The following RREB1 variants were observed in gnomAD, a reference collection of about 807,000 sequenced individuals.
RREB1 encodes the protein ras-responsive element-binding protein 1.
A neutral mutation model predicts 117.8 loss-of-function variants in RREB1; 27 were observed. That is an observed-to-expected ratio of 0.23 (90% CI 0.17 to 0.32). The LOEUF is 0.32. RREB1 is among the 10% of genes least tolerant of loss of function. The probability of loss-of-function intolerance (pLI) is 1.00; values close to 1 mark genes in which losing one functional copy is unlikely to be tolerated. For missense variants in RREB1, 2,577 were observed against 2,378.2 expected (o/e 1.08, Z -1.74); for synonymous variants, 1,298 against 1,026.7 (o/e 1.26, Z -5.05).
intron 6 of RREB1, among the ~76,000 whole-genome samples, chr6:7,205,691 T>G (rs1766232314): frequency 6.6e-6 from 1 of 152,194 alleles, no homozygotes; most frequent in South Asian, 2.1e-4. Context: ...GGGTCAGCTT[T>G]TAGGGATTGG....
At chr6:7,125,987 T>TTTTGTTTGTTTGTTTG (rs58891233) in intron 1 of RREB1, among the ~76,000 whole-genome samples, 139 of 150,806 alleles carry the variant, frequency 9.2e-4, no homozygotes, top group Middle Eastern at 3.5e-3. Context: ...AAGGACTGTT[T>TTTTGTTTGTTTGTTTG]TTTGTTTGTT....
chr6:7,177,723 CTGTCTTTCT>C (rs564514217), intron 2 of RREB1, among the ~76,000 whole-genome samples: 2 of 151,692 alleles, frequency 1.3e-5, no homozygotes, highest in Non-Finnish European at 2.9e-5. Flanking sequence ...TTTTCTTTTT[CTGTCTTTCT>C]TGTCTTTCTT....
chr6:7,235,130 G>T (rs986421912), intron 10 of RREB1, among the ~76,000 whole-genome samples: 1 of 152,192 alleles, frequency 6.6e-6, no homozygotes, highest in African/African-American at 2.4e-5. Flanking sequence ...CCTTTGCTGG[G>T]CTTCACTCTC....
At chr6:7,235,234 C>T (rs1472392698) in intron 10 of RREB1, among the ~76,000 whole-genome samples, 3 of 152,268 alleles carry the variant, frequency 2.0e-5, no homozygotes, top group East Asian at 1.9e-4. Context: ...TTTCCATTCA[C>T]GGAGCATTAG....
At chr6:7,227,373 T>C (rs1253606483) in intron 9 of RREB1, among the ~76,000 whole-genome samples, 12 of 151,752 alleles carry the variant, frequency 7.9e-5, no homozygotes, top group Admixed American at 7.9e-4. Flanking sequence ...AAACCCTGTC[T>C]ACACTAAAAA....
In RREB1 at chr6:7,229,904, T is replaced by G; in HGVS notation, c.1805T>G (p.Ile602Ser). The change falls in exon 10 of 13, where the codon ATC (isoleucine) becomes AGC (serine). Residue 602 changes from isoleucine (I) to serine (S), a missense_variant. Physicochemically the swap from Ile to Ser is moderately radical, Grantham distance 142. Transcript: ENST00000379938. The surrounding 1 kb of genome is among the most constrained non-coding windows in gnomAD (Gnocchi z 4.5). ...MKTQLEQDSI[I>S]EALLPLSMEA... ...ACGCAGCTGGAGCAGGACAGCATCA[T>G]CGAGGCCCTGCTGCCGCTGAGCATG... The G allele has an allele frequency of 1.2e-6, 2 of 1,601,554 alleles. No individual in the cohort carries two copies. The highest frequency in any genetic ancestry group is 2.2e-5 in the East Asian group (1 of 44,516).
chr6:7,158,423 C>T (rs1425150714), intron 1 of RREB1, among the ~76,000 whole-genome samples: 1 of 152,154 alleles, frequency 6.6e-6, no homozygotes, highest in Non-Finnish European at 1.5e-5. Context: ...CTGCCCCAGA[C>T]CCAACCCCAA....
chr6:7,144,662 T>G (rs547369189), intron 1 of RREB1, among the ~76,000 whole-genome samples: 2 of 152,176 alleles, frequency 1.3e-5, no homozygotes, highest in Non-Finnish European at 2.9e-5. Flanking sequence ...TTTTAGTTAA[T>G]GAAGTATATT....
intron 6 of RREB1, among the ~76,000 whole-genome samples, chr6:7,204,819 T>G (rs1766177073): frequency 6.6e-6 from 1 of 152,194 alleles, no homozygotes; most frequent in African/African-American, 2.4e-5. Context: ...AACCTTCACA[T>G]GCAAATTACA....
rs755763127 is a variant in RREB1, at chr6:7,231,548, C to T, written c.3449C>T (p.Ser1150Leu). Residue 1150 changes from serine (S) to leucine (L), a missense_variant, in exon 10 of 13, where the codon TCG (serine) becomes TTG (leucine). Physicochemically the swap from Ser to Leu is moderately radical, Grantham distance 145. Coordinates refer to ENST00000379938, the MANE Select transcript of RREB1 (RefSeq NM_001003699.4). ...SPTEQGPAGTSKKRGRKRGMR... is the reference protein window; with the variant it reads ...SPTEQGPAGTLKKRGRKRGMR... The stretch of plus-strand genomic sequence containing the variant: ...ACCGAGCAGGGCCCAGCGGGCACGT[C>T]GAAGAAGAGGGGCCGGAAAAGGGGG... 4 of 1,609,598 alleles carry T rather than the reference C, an allele frequency of 2.5e-6. No individual in the cohort carries two copies. Among genetic ancestry groups the T allele is most frequent in the East Asian group, 2.2e-5 (1 of 44,674 alleles).
In RREB1 at chr6:7,246,957, ACCCCGGCAGAGGTGGTGGAGTCGG is replaced by A. The variant is rs1561809878; in HGVS notation, c.4514_4537del (p.Ala1505_Pro1512del). The A allele has an allele frequency of 6.4e-7, 1 of 1,565,540 alleles. No individual in the cohort carries two copies. Among genetic ancestry groups the A allele is most frequent in the Non-Finnish European group, 8.6e-7 (1 of 1,156,772 alleles). On this transcript the variant is annotated inframe_deletion, in exon 12 of 13. Coordinates refer to ENST00000379938, the MANE Select transcript of RREB1 (RefSeq NM_001003699.4). ...TGAACAGGAGGAGAAGCCCCCCGAG[ACCCCGGCAGAGGTGGTGGAGTCGG>A]CCCCGGGTGCCGGGGAGGCCCCGGC...
chr6:7,139,592 T>C (rs1762477254), intron 1 of RREB1, among the ~76,000 whole-genome samples: 1 of 152,190 alleles, frequency 6.6e-6, no homozygotes, highest in South Asian at 2.1e-4. Flanking sequence ...CAAATAAATA[T>C]TCGACAATAT....
intron 1 of RREB1, among the ~76,000 whole-genome samples, chr6:7,123,091 T>C (rs750139496): frequency 2.0e-5 from 3 of 152,194 alleles, no homozygotes; most frequent in Admixed American, 1.3e-4. Context: ...GGTATTGGCA[T>C]GTCTTACATA....
chr6:7,247,039 C>G lies in RREB1; in HGVS notation c.4589C>G (p.Ser1530Cys). Residue 1530 changes from serine to cysteine, a missense_variant, in exon 12 of 13, where the codon TCC becomes TGC. Physicochemically the swap from Ser to Cys is moderately radical, Grantham distance 112. Coordinates refer to ENST00000379938, the MANE Select transcript of RREB1 (RefSeq NM_001003699.4). ...CTCGCGGAGGAGACGGAGGGCCCCT[C>G]CGACGGGGAGAGCGCGGCCGAGAAA... Reference protein sequence around the residue: ...EKLAEETEGPSDGESAAEKRS... With the variant: ...EKLAEETEGPCDGESAAEKRS... 2 of 1,612,750 alleles carry G rather than the reference C, an allele frequency of 1.2e-6. No individual in the cohort carries two copies. Among genetic ancestry groups the G allele is most frequent in the Non-Finnish European group, 8.5e-7 (1 of 1,179,550 alleles).
At chr6:7,176,057 C>T (rs1422118388) in intron 1 of RREB1, among the ~76,000 whole-genome samples, 1 of 152,190 alleles carries the variant, frequency 6.6e-6, no homozygotes, top group Non-Finnish European at 1.5e-5. Context: ...GCTGGGACTA[C>T]AGGCGCATGC....
intron 1 of RREB1, among the ~76,000 whole-genome samples, chr6:7,165,094 C>G (rs917383833): frequency 2.0e-5 from 3 of 152,192 alleles, no homozygotes; most frequent in African/African-American, 7.2e-5. Flanking sequence ...CACAGAGGCA[C>G]AAGGAGTGCT....
intron 10 of RREB1, among the ~76,000 whole-genome samples, chr6:7,234,898 C>T (rs1371653768): frequency 1.3e-5 from 2 of 152,212 alleles, no homozygotes; most frequent in African/African-American, 2.4e-5. Flanking sequence ...CCAGTGTGTC[C>T]TCTGTGTGAA....
In RREB1 at chr6:7,117,561, A is replaced by G. The variant is rs1404507226; in HGVS notation, c.-285+9501A>G. ...GCTGGGATTACAGGCGCCTACCACC[A>G]CACCCAGCTAATTTTTGTATTTTTT... On this transcript the variant is annotated intron_variant, in intron 1 of 12. Coordinates refer to ENST00000379938, the MANE Select transcript of RREB1 (RefSeq NM_001003699.4). Among the ~76,000 whole-genome samples the G allele has an allele frequency of 2.0e-5, 3 of 150,988 alleles. No homozygotes were observed. In the East Asian group the frequency reaches 5.8e-4, roughly 29 times the overall value.
chr6:7,205,108 C>T (rs976063659), intron 6 of RREB1, among the ~76,000 whole-genome samples: 2 of 152,210 alleles, frequency 1.3e-5, no homozygotes, highest in African/African-American at 4.8e-5. Context: ...ACCGAACCTG[C>T]AAACGGTGCA....
Sources: allele counts gnomAD v4.1 joint callset (sites outside exome capture counted in the v4.1 genomes callset), GRCh38; gene constraint gnomAD v4.1.1; non-coding constraint Gnocchi (gnomAD v3.1); transcripts MANE v1.5; gene names NCBI Gene and HGNC (gene_info 2026-07-23, HGNC 2026-07-21).